Variants in KCNH8 observed in about 807,000 individuals in gnomAD.
The protein encoded by KCNH8 is voltage-gated delayed rectifier potassium channel KCNH8.
A neutral mutation model predicts 103.6 loss-of-function variants in KCNH8; 70 were observed. The observed-to-expected ratio is 0.68, with a 90% CI of 0.56 to 0.82. The LOEUF is 0.82. Among genes scored for constraint, KCNH8 ranks in the 40% least tolerant of loss-of-function variants. The pLI is 0.00. For synonymous variants in KCNH8, 498 were observed against 489.4 expected (o/e 1.02, Z -0.23); for missense variants, 1,217 against 1,329.9 (o/e 0.92, Z 1.32).
At chr3:19,275,526 C>T (rs2064656851) in intron 2 of KCNH8, among the ~76,000 whole-genome samples, 1 of 152,114 alleles carries the variant, frequency 6.6e-6, no homozygotes, top group African/African-American at 2.4e-5. Context: ...TGAGCAAAGA[C>T]TTGCAGCCTA....
intron 2 of KCNH8, among the ~76,000 whole-genome samples, chr3:19,268,401 G>C (rs573986357): frequency 6.6e-6 from 1 of 152,142 alleles, no homozygotes; most frequent in East Asian, 1.9e-4. Flanking sequence ...CAAAGTTCCT[G>C]GGAGAGACTA....
At chr3:19,185,519 C>A (rs935360039) in intron 1 of KCNH8, among the ~76,000 whole-genome samples, 1 of 151,766 alleles carries the variant, frequency 6.6e-6, no homozygotes, top group Non-Finnish European at 1.5e-5. Flanking sequence ...GAGTCCTTTA[C>A]CAAATGTAGG....
At chr3:19,290,229 C>T (rs1488810549) in intron 3 of KCNH8, among the ~76,000 whole-genome samples, 1 of 152,096 alleles carries the variant, frequency 6.6e-6, no homozygotes, top group Non-Finnish European at 1.5e-5. Context: ...TAATTGAATA[C>T]CCTTTATTTC....
At chr3:19,192,015 A>G (rs1489286856) in intron 1 of KCNH8, among the ~76,000 whole-genome samples, 3 of 151,072 alleles carry the variant, frequency 2.0e-5, no homozygotes, top group African/African-American at 7.3e-5. Flanking sequence ...TCTCCTTATC[A>G]AGTTGATGGT....
At chr3:19,207,269 A>G (rs557060313) in intron 1 of KCNH8, among the ~76,000 whole-genome samples, 32 of 152,182 alleles carry the variant, frequency 2.1e-4, no homozygotes, top group African/African-American at 7.2e-4. Flanking sequence ...AGAAAGGGGC[A>G]TTCAAATAGG....
rs376236084 is a variant in KCNH8, at chr3:19,199,809, G to A, written c.76+51014G>A. 1.7e-4 allele frequency among the ~76,000 whole-genome samples: 26 copies of A among 151,964 alleles called. 1 individual carries two copies. The East Asian group carries it at 5.0e-3, about 29-fold the overall frequency. On this transcript the variant is annotated intron_variant, in intron 1 of 15. Coordinates refer to ENST00000328405, the MANE Select transcript of KCNH8 (RefSeq NM_144633.3). ...TGGCAGATAGTGTTACTGAAACATG[G>A]TAATATGTGACATAAATATTACTGT...
chr3:19,272,100 T>G (rs2064596602), intron 2 of KCNH8, among the ~76,000 whole-genome samples: 1 of 152,100 alleles, frequency 6.6e-6, no homozygotes, highest in African/African-American at 2.4e-5. Flanking sequence ...TGAATGAACG[T>G]AATTCCTTTG....
intron 2 of KCNH8, among the ~76,000 whole-genome samples, chr3:19,260,990 A>C (rs978634092): frequency 6.9e-6 from 1 of 144,764 alleles, no homozygotes; most frequent in South Asian, 2.1e-4. Context: ...ATATATATAT[A>C]TATCAGTTTA....
At chr3:19,163,913 C>A (rs1331200684) in intron 1 of KCNH8, among the ~76,000 whole-genome samples, 1 of 152,120 alleles carries the variant, frequency 6.6e-6, no homozygotes, top group Non-Finnish European at 1.5e-5. Flanking sequence ...TGTAAGAATA[C>A]AGTGTATAGT....
chr3:19,243,061 C>T (rs747662580), intron 1 of KCNH8, among the ~76,000 whole-genome samples: 5 of 152,106 alleles, frequency 3.3e-5, no homozygotes, highest in South Asian at 2.1e-4. Context: ...TGACACTTAC[C>T]GTAAGATGCT....
chr3:19,202,018 C>T (rs1489688858), intron 1 of KCNH8, among the ~76,000 whole-genome samples: 3 of 152,110 alleles, frequency 2.0e-5, no homozygotes, highest in Non-Finnish European at 4.4e-5. Flanking sequence ...GCAGATTTCT[C>T]ACTAATTTTA....
chr3:19,356,199 A>G (rs2065880241), intron 5 of KCNH8, among the ~76,000 whole-genome samples: 1 of 151,994 alleles, frequency 6.6e-6, no homozygotes, highest in Non-Finnish European at 1.5e-5. Context: ...GGGAGATGAT[A>G]TATCTCTTTT....
At chr3:19,323,294 A>G (rs1235308761) in intron 3 of KCNH8, among the ~76,000 whole-genome samples, 1 of 151,866 alleles carries the variant, frequency 6.6e-6, no homozygotes, top group Non-Finnish European at 1.5e-5. Flanking sequence ...CTAAAAATAT[A>G]AAAAATTAGC....
intron 2 of KCNH8, among the ~76,000 whole-genome samples, chr3:19,259,613 A>G (rs1225656482): frequency 1.3e-5 from 2 of 151,860 alleles, no homozygotes; most frequent in Admixed American, 6.6e-5. Context: ...ATGCACTTCA[A>G]TTTATTTATT....
rs575791428 is a variant in KCNH8, at chr3:19,321,726, T to A, written c.443-20861T>A. On this transcript the variant is annotated intron_variant, in intron 3 of 15. Coordinates refer to ENST00000328405, the MANE Select transcript of KCNH8 (RefSeq NM_144633.3). The stretch of plus-strand genomic sequence containing the variant: ...TCTAGAGTATAGTTTAAGTCCATGG[T>A]TTCTTTGTTGACTTTCTGTCCTGAT... Among the ~76,000 whole-genome samples the A allele has an allele frequency of 1.6e-4, 25 of 152,160 alleles. 1 individual carries two copies. The South Asian group carries it at 4.2e-3, about 25-fold the overall frequency.
At chr3:19,282,581 T>G (rs2064772203) in intron 3 of KCNH8, among the ~76,000 whole-genome samples, 1 of 152,148 alleles carries the variant, frequency 6.6e-6, no homozygotes, top group Non-Finnish European at 1.5e-5. Flanking sequence ...AAGAAATACA[T>G]GACTTTTTTT....
intron 7 of KCNH8, among the ~76,000 whole-genome samples, chr3:19,421,955 C>T (rs2066957770): frequency 6.6e-6 from 1 of 151,994 alleles, no homozygotes; most frequent in African/African-American, 2.4e-5. Flanking sequence ...GTATTTGCCT[C>T]TTTGCTGCCA....
chr3:19,501,104 G>A (rs1012539056), intron 11 of KCNH8, among the ~76,000 whole-genome samples: 26 of 152,054 alleles, frequency 1.7e-4, no homozygotes, highest in Non-Finnish European at 2.5e-4. Flanking sequence ...TATCACCACC[G>A]ATCCCACAGA....
At chr3:19,189,884 G>A (rs1388108372) in intron 1 of KCNH8, among the ~76,000 whole-genome samples, 1 of 151,970 alleles carries the variant, frequency 6.6e-6, no homozygotes, top group African/African-American at 2.4e-5. Context: ...AATTAAAACT[G>A]ACGCTACTTA....
Sources: gnomAD v4.1 joint callset for allele counts (sites outside exome capture counted in the v4.1 genomes callset) on GRCh38, gnomAD v4.1.1 for gene constraint, MANE v1.5 for transcripts, NCBI Gene and HGNC (gene_info 2026-07-23, HGNC 2026-07-21) for gene names.